The following OPN3 variants were observed in gnomAD, a reference collection of about 807,000 sequenced individuals.
OPN3 encodes opsin-3.
A neutral mutation model predicts 33.8 loss-of-function variants in OPN3; 29 were observed. The observed-to-expected ratio is 0.86, with a 90% CI of 0.64 to 1.17. The LOEUF is 1.17. Ranked by LOEUF, OPN3 falls within the 50% of genes most tolerant of loss-of-function variation. The pLI is 0.00. For synonymous variants in OPN3, 216 were observed against 216.1 expected (o/e 1.00, Z 0.00); for missense variants, 437 against 514.1 (o/e 0.85, Z 1.45).
intron 1 of OPN3, among the ~76,000 whole-genome samples, chr1:241,609,531 T>C (rs1663931759): frequency 6.6e-6 from 1 of 152,248 alleles, no homozygotes; most frequent in South Asian, 2.1e-4. Context: ...AGTAGGTCTT[T>C]TGGAGAAACC....
intron 1 of OPN3, among the ~76,000 whole-genome samples, chr1:241,612,116 G>C (rs1354114570): frequency 6.6e-6 from 1 of 152,194 alleles, no homozygotes; most frequent in East Asian, 1.9e-4. Context: ...AGTAAATTTG[G>C]AAGTGAAGAT....
At chr1:241,603,355 A>C (rs1375746489) in intron 2 of OPN3, among the ~76,000 whole-genome samples, 1 of 152,228 alleles carries the variant, frequency 6.6e-6, no homozygotes, top group African/African-American at 2.4e-5. Flanking sequence ...AGAAATTAAA[A>C]TGAGAAATGA....
chr1:241,621,106 C>A (rs896742192), intron 1 of OPN3, among the ~76,000 whole-genome samples: 1 of 152,130 alleles, frequency 6.6e-6, no homozygotes, highest in Non-Finnish European at 1.5e-5. Context: ...TGAATTTTAT[C>A]TGCAATATTT....
chr1:241,620,103 G>T (rs892327138), intron 1 of OPN3, among the ~76,000 whole-genome samples: 1 of 152,092 alleles, frequency 6.6e-6, no homozygotes, highest in Non-Finnish European at 1.5e-5. Flanking sequence ...GGCAGGGTTG[G>T]GGGTGGGGGT....
chr1:241,635,162 T>G (rs1345470573), intron 1 of OPN3: 1 of 1,612,966 alleles, frequency 6.2e-7, no homozygotes, highest in South Asian at 1.1e-5. Flanking sequence ...TACTGTAGAT[T>G]TGCTTTCATC....
intron 1 of OPN3, chr1:241,613,994 C>G (rs557029507): frequency 1.3e-5 from 2 of 152,016 alleles, no homozygotes; most frequent in Non-Finnish European, 2.9e-5. Context: ...ATGGTGAAAC[C>G]CTGTTTCTAC....
chr1:241,633,954 C>G lies in OPN3; in HGVS notation c.373+5928G>C, dbSNP rs534065519. ...GGATTTGGAGGTGGAGGGCAGAATTCTTCAGTTGGAAAGATCTCCTGGAAA... is the reference window on the plus strand; with the variant it reads ...GGATTTGGAGGTGGAGGGCAGAATTGTTCAGTTGGAAAGATCTCCTGGAAA... On this transcript the variant is annotated intron_variant, in intron 1 of 3. Transcript: ENST00000366554. The G allele has an allele frequency of 1.9e-6, 3 of 1,613,878 alleles. 1 individual carries two copies. In the South Asian group the frequency reaches 3.3e-5, roughly 18 times the overall value.
Position 241,604,516 on chromosome 1 carries a change from G to A in OPN3, c.437C>T (p.Ala146Val), listed in dbSNP as rs771114096. 1.2e-6 allele frequency: 2 copies of A among 1,613,994 alleles called. No homozygotes were observed. The stretch of plus-strand genomic sequence containing the variant: ...GGCCCAGGAAAAATTGATCACTCTG[G>A]CATGGACCACGCGAATGTAACGTTC... ...AYERYIRVVH[A>V]RVINFSWAWR... is the part of the protein sequence containing the mutation. The change falls in exon 2 of 4, where the codon GCC becomes GTC. Residue 146 changes from alanine (A) to valine (V), a missense_variant. Ala to Val is a moderately conservative substitution (Grantham distance 64). Transcript: ENST00000366554.
chr1:241,635,329 C>A (rs3737604), intron 1 of OPN3: 32 of 1,613,650 alleles, frequency 2.0e-5, no homozygotes, highest in South Asian at 1.6e-4. Flanking sequence ...TATTAAAATA[C>A]GATAACTGGC....
intron 1 of OPN3, chr1:241,635,419 A>G (rs1664852852): frequency 6.2e-7 from 1 of 1,613,946 alleles, no homozygotes; most frequent in Non-Finnish European, 8.5e-7. Context: ...GCAGAGCACC[A>G]ATCTCTTCAA....
rs780250880 is a variant in OPN3 at position 241,594,344 on chromosome 1, C to G, written c.*84G>C. On this transcript the variant is annotated 3_prime_UTR_variant, in exon 4 of 4. Transcript: ENST00000366554. The stretch of plus-strand genomic sequence containing the variant: ...AAGGTTCTGTTGATATTACATAGAA[C>G]GGGTATTCCAGACACTTCTTATGAT... The G allele has an allele frequency of 1.5e-5, 21 of 1,417,022 alleles. No homozygotes were observed. The highest frequency in any genetic ancestry group is 1.9e-5 in the Non-Finnish European group (20 of 1,031,686). The allele number at this position is 1,417,022 out of a possible 1,614,324, so 87.8% of individuals were successfully genotyped here. A position where few individuals can be genotyped will look rare whatever the true frequency, so the allele number is the denominator to read the frequency against.
intron 1 of OPN3, among the ~76,000 whole-genome samples, chr1:241,607,560 G>A (rs76560981): frequency 3.1e-3 from 272 of 88,114 alleles, no homozygotes; most frequent in Non-Finnish European, 4.2e-3. Flanking sequence ...AGGAAGGAAG[G>A]AAGAAAGAAA....
intron 2 of OPN3, among the ~76,000 whole-genome samples, chr1:241,599,349 T>TA (rs1231531322): frequency 2.0e-5 from 3 of 152,098 alleles, no homozygotes; most frequent in Admixed American, 6.5e-5. Context: ...CCAATTACTT[T>TA]AAAAAATCAA....
intron 1 of OPN3, among the ~76,000 whole-genome samples, chr1:241,618,844 T>C (rs1455961719): frequency 6.6e-6 from 1 of 151,864 alleles, no homozygotes; most frequent in African/African-American, 2.4e-5. Context: ...ATCTTTTTTT[T>C]TTTTTTGGCA....
At chr1:241,629,910 G>C (rs1664556219) in intron 1 of OPN3, 1 of 151,950 alleles carries the variant, frequency 6.6e-6, no homozygotes, top group African/African-American at 2.4e-5. Flanking sequence ...GGAGAGCAAG[G>C]CTCCCATTTT....
intron 1 of OPN3, among the ~76,000 whole-genome samples, chr1:241,638,353 G>A (rs1162348050): frequency 6.6e-6 from 1 of 152,180 alleles, no homozygotes; most frequent in Non-Finnish European, 1.5e-5. Context: ...GTGGATGACA[G>A]CTAGCACTTA....
intron 1 of OPN3, among the ~76,000 whole-genome samples, chr1:241,638,574 C>T (rs978672894): frequency 6.6e-6 from 1 of 152,116 alleles, no homozygotes; most frequent in African/African-American, 2.4e-5. Context: ...AGGTATTTTA[C>T]AATTAATATA....
chr1:241,632,723 T>C lies in OPN3; in HGVS notation c.373+7159A>G, dbSNP rs1664693048. 3 of 152,282 alleles carry C rather than the reference T, an allele frequency of 2.0e-5. No homozygotes were observed. The Middle Eastern group carries it at 0.01, about 518-fold the overall frequency. 9.4% of individuals were successfully genotyped at this position (152,282 alleles called of 1,614,324 possible). A position where few individuals can be genotyped will look rare whatever the true frequency, so the allele number is the denominator to read the frequency against. On this transcript the variant is annotated intron_variant, in intron 1 of 3. Coordinates refer to ENST00000366554, the MANE Select transcript of OPN3 (RefSeq NM_014322.3). ...AAGGGCATGGTAAATCCTCCTTTGA[T>C]TCATTCCTATCAGTTATGTTATAGT...
intron 1 of OPN3, among the ~76,000 whole-genome samples, chr1:241,639,617 T>TG (rs951411134): frequency 1.4e-5 from 2 of 146,188 alleles, no homozygotes; most frequent in Non-Finnish European, 3.0e-5. Flanking sequence ...GGGGTCAACG[T>TG]GGGGGGCAGA....
Sources: gnomAD v4.1 joint callset for allele counts (sites outside exome capture counted in the v4.1 genomes callset) on GRCh38, gnomAD v4.1.1 for gene constraint, MANE v1.5 for transcripts, NCBI Gene and HGNC (gene_info 2026-07-23, HGNC 2026-07-21) for gene names.